Variants in CBLB observed in about 807,000 individuals in gnomAD.
CBLB encodes the protein Cbl proto-oncogene B, also known as E3 ubiquitin-protein ligase CBL-B.
In CBLB, 31 loss-of-function variants were observed where a neutral mutation model predicts 104.9. The ratio of observed to expected loss-of-function variants is 0.30; its 90% confidence interval spans 0.22 to 0.40. CBLB has a LOEUF of 0.40. Among genes scored for constraint, CBLB ranks in the 10% least tolerant of loss-of-function variants. CBLB has a pLI of 1.00. For synonymous variants in CBLB, 440 were observed against 422.6 expected (o/e 1.04, Z -0.51); for missense variants, 1,062 against 1,214.6 (o/e 0.87, Z 1.87).
intron 3 of CBLB, among the ~76,000 whole-genome samples, chr3:105,805,667 C>G (rs868829720): frequency 6.6e-6 from 1 of 152,094 alleles, no homozygotes; most frequent in South Asian, 2.1e-4. Flanking sequence ...CATTAAAAAC[C>G]CTTTACATGT....
chr3:105,741,337 T>C (rs1160190998), intron 6 of CBLB, among the ~76,000 whole-genome samples: 2 of 149,938 alleles, frequency 1.3e-5, no homozygotes, highest in Non-Finnish European at 3.0e-5. Context: ...TACAGGCGTG[T>C]GCCACGACGC....
In CBLB at chr3:105,720,054, A is replaced by G. The variant is rs749591758; in HGVS notation, c.1400T>C (p.Val467Ala). 4 of 1,612,806 alleles carry G rather than the reference A, an allele frequency of 2.5e-6. No individual in the cohort carries two copies. Among genetic ancestry groups the G allele is most frequent in the Non-Finnish European group, 3.4e-6 (4 of 1,178,852 alleles). ...CCATGTTTCTAGTTTTACCTTTCGG[A>G]CGTTTGCCAACCGATTCATCATCAA... ...ESLMMNRLAN[V>A]RKCTDRQNSP... Residue 467 changes from valine (V) to alanine (A), a missense_variant, in exon 10 of 19, where the codon GTC (valine) becomes GCC (alanine). Transcript: ENST00000394030.
chr3:105,751,545 T>C lies in CBLB; in HGVS notation c.640A>G (p.Met214Val), dbSNP rs752077835. The C allele has an allele frequency of 3.7e-6, 6 of 1,610,780 alleles. No homozygotes were observed. The South Asian group carries it at 5.5e-5, about 15-fold the overall frequency. Residue 214 changes from methionine (M) to valine (V), a missense_variant, in exon 5 of 19, where the codon ATG becomes GTG. Met to Val is a conservative substitution (Grantham distance 21). This residue lies in a region of CBLB where 457 missense variants were observed against 632.0 expected (regional missense o/e 0.72). Transcript: ENST00000394030. ...AAATCAATTGTTGATTTTAGAGCCA[T>C]TGCTTCCAGGCCAGAGCTAATCTGG... ...VHQISSGLEA[M>V]ALKSTIDLTC...
At chr3:105,861,680 CACAT>C (rs1287355642) in intron 2 of CBLB, among the ~76,000 whole-genome samples, 1 of 138,420 alleles carries the variant, frequency 7.2e-6, no homozygotes, top group Non-Finnish European at 1.6e-5. Flanking sequence ...GGTGTGTGCA[CACAT>C]ACACACACAC....
At chr3:105,751,042 T>A (rs2076548480) in intron 5 of CBLB, among the ~76,000 whole-genome samples, 1 of 152,238 alleles carries the variant, frequency 6.6e-6, no homozygotes, top group Non-Finnish European at 1.5e-5. Context: ...GTTTACTATT[T>A]CCCTTTTGAC....
rs191621729 is a variant in CBLB, at chr3:105,857,412, G to C, written c.169-3748C>G. ...GATTCAAAGAGATGCAAAGAGTCTG[G>C]CAGAAGAGACGTAGTTCTCTATAAT... On this transcript the variant is annotated intron_variant, in intron 2 of 18. Transcript: ENST00000394030. Among the ~76,000 whole-genome samples, 23 of 152,228 alleles carry C rather than the reference G, an allele frequency of 1.5e-4. No individual in the cohort carries two copies. The East Asian group carries it at 4.2e-3, about 28-fold the overall frequency.
intron 3 of CBLB, among the ~76,000 whole-genome samples, chr3:105,850,809 C>T (rs559449535): frequency 4.6e-5 from 7 of 152,234 alleles, no homozygotes; most frequent in South Asian, 2.1e-4. Context: ...CTACCACATC[C>T]GCAGATTCAA....
chr3:105,694,035 T>A (rs933125714), intron 12 of CBLB, among the ~76,000 whole-genome samples: 7 of 152,018 alleles, frequency 4.6e-5, no homozygotes, highest in African/African-American at 7.2e-5. Context: ...GGAACATTCT[T>A]AAACTTTCTG....
chr3:105,845,473 T>C (rs1368860962), intron 3 of CBLB, among the ~76,000 whole-genome samples: 1 of 151,712 alleles, frequency 6.6e-6, no homozygotes, highest in Non-Finnish European at 1.5e-5. Context: ...AAGCTAATGG[T>C]GGAATTCATT....
chr3:105,869,281 A>G, upstream of CBLB: 1 of 958,642 alleles, frequency 1.0e-6, no homozygotes, highest in Non-Finnish European at 1.5e-6. Flanking sequence ...CCCGGGAACG[A>G]AAGTGGAAAC....
intron 3 of CBLB, among the ~76,000 whole-genome samples, chr3:105,834,155 G>A (rs566281774): frequency 8.3e-5 from 10 of 120,352 alleles, no homozygotes; most frequent in African/African-American, 1.8e-4. Flanking sequence ...CAGTTAGACC[G>A]GAGACATAAG....
Position 105,678,528 on chromosome 3 carries a change from G to C in CBLB, c.2472C>G (p.Pro824=). 1 of 1,613,922 alleles carries C rather than the reference G, an allele frequency of 6.2e-7. No homozygotes were observed. Among genetic ancestry groups the C allele is most frequent in the African/African-American group, 1.3e-5 (1 of 75,024 alleles). Residue 824 remains proline (P), a synonymous_variant, in exon 17 of 19, where the codon CCC becomes CCG. Transcript: ENST00000394030. The part of the protein sequence containing the change: ...FDALPPSLPP[P]PPPARHSLIE... ...TGAGACTATGCCTTGCAGGAGGTGG[G>C]GGAGGTGGGAGAGATGGAGGGAGGG...
intron 3 of CBLB, among the ~76,000 whole-genome samples, chr3:105,786,725 T>C (rs1317363436): frequency 6.6e-6 from 1 of 152,202 alleles, no homozygotes; most frequent in Non-Finnish European, 1.5e-5. Context: ...TCCTTAAATC[T>C]AGTTCATGAT....
chr3:105,867,395 T>A lies in CBLB; in HGVS notation c.168+15A>T. The stretch of plus-strand genomic sequence containing the variant: ...TGAATAGTGTTTCGCACAGGCAACG[T>A]CAGACAGAACTTACCACTTTGTCCA... On this transcript the variant is annotated intron_variant, in intron 2 of 18. Coordinates refer to ENST00000394030, the MANE Select transcript of CBLB (RefSeq NM_170662.5). 1 of 1,613,546 alleles carries A rather than the reference T, an allele frequency of 6.2e-7. No individual in the cohort carries two copies. The highest frequency in any genetic ancestry group is 8.5e-7 in the Non-Finnish European group (1 of 1,179,432).
chr3:105,776,175 A>G (rs1577085721), intron 4 of CBLB, among the ~76,000 whole-genome samples: 1 of 152,242 alleles, frequency 6.6e-6, no homozygotes, highest in Admixed American at 6.5e-5. Context: ...CATGAAATAA[A>G]TAACATTGTA....
intron 2 of CBLB, among the ~76,000 whole-genome samples, chr3:105,858,465 C>A (rs1284028163): frequency 6.6e-6 from 1 of 152,176 alleles, no homozygotes; most frequent in East Asian, 1.9e-4. Context: ...AATGGTTACA[C>A]CTCTTCTAGA....
chr3:105,851,124 C>T (rs911337146), intron 3 of CBLB, among the ~76,000 whole-genome samples: 2 of 152,120 alleles, frequency 1.3e-5, no homozygotes, highest in African/African-American at 4.8e-5. Flanking sequence ...AAAATGGAAG[C>T]AACCGAGATG....
chr3:105,803,035 G>A (rs1052200501), intron 3 of CBLB, among the ~76,000 whole-genome samples: 4 of 152,052 alleles, frequency 2.6e-5, no homozygotes, highest in South Asian at 4.1e-4. Context: ...TAGAGAAATC[G>A]GAGAAGTCTT....
intron 12 of CBLB, among the ~76,000 whole-genome samples, chr3:105,695,382 T>C (rs544500807): frequency 1.3e-5 from 2 of 151,958 alleles, no homozygotes; most frequent in South Asian, 2.1e-4. Context: ...TTTACTGGTA[T>C]TGAAATTGCT....
Sources: gnomAD v4.1 joint callset for allele counts (sites outside exome capture counted in the v4.1 genomes callset) on GRCh38, gnomAD v4.1.1 for gene constraint, gnomAD v4.1.1 regional missense constraint, MANE v1.5 for transcripts, NCBI Gene and HGNC (gene_info 2026-07-23, HGNC 2026-07-21) for gene names.